PLCL1: variants seen among roughly 807,000 people sequenced by gnomAD.
PLCL1 encodes phospholipase C like 1 (inactive), also known as inactive phospholipase C-like protein 1.
In PLCL1, 41 loss-of-function variants were observed where a neutral mutation model predicts 84.4. The observed-to-expected ratio is 0.49, with a 90% CI of 0.38 to 0.63. PLCL1 has a LOEUF of 0.63. Ranked by LOEUF, PLCL1 falls within the 30% of genes least tolerant of loss-of-function variation. The pLI, the probability that PLCL1 is intolerant of heterozygous loss-of-function variation, is 0.00. For missense variants in PLCL1, 1,206 were observed against 1,367.8 expected (o/e 0.88, Z 1.87); for synonymous variants, 490 against 488.3 (o/e 1.00, Z -0.05).
chr2:198,019,140 G>A (rs997799822), intron 1 of PLCL1, among the ~76,000 whole-genome samples: 1 of 152,192 alleles, frequency 6.6e-6, no homozygotes, highest in Non-Finnish European at 1.5e-5. Flanking sequence ...CAGCAAAGGG[G>A]CCTGACTGTT....
intron 1 of PLCL1, among the ~76,000 whole-genome samples, chr2:197,903,440 T>C (rs1175590005): frequency 6.7e-6 from 1 of 150,316 alleles, no homozygotes; most frequent in East Asian, 2.0e-4. Flanking sequence ...GACAAAAATC[T>C]ATGTATCTTC....
In PLCL1 at chr2:197,946,965, C is replaced by G. The variant is rs138142974; in HGVS notation, c.241-136793C>G. On this transcript the variant is annotated intron_variant, in intron 1 of 5. Coordinates refer to ENST00000428675, the MANE Select transcript of PLCL1 (RefSeq NM_006226.4). The stretch of plus-strand genomic sequence containing the variant: ...CAGGGGCCCCCACTCTAGAGGAGAA[C>G]AAAATAAAGCAAATCCTTAGGGCTT... Among the ~76,000 whole-genome samples the G allele has an allele frequency of 2.2e-3, 333 of 152,026 alleles. 3 individuals carry two copies. The highest frequency in any genetic ancestry group is 7.5e-3 in the African/African-American group (311 of 41,462).
chr2:198,146,665 G>A (rs561951179), intron 5 of PLCL1, 115 bp from the exon 6 acceptor site: 3 of 783,576 alleles, frequency 3.8e-6, no homozygotes, highest in Non-Finnish European at 5.9e-6. Flanking sequence ...TGAGCTTGCA[G>A]GTCTGGGTCT....
chr2:197,908,246 G>A (rs989512049), intron 1 of PLCL1, among the ~76,000 whole-genome samples: 2 of 152,130 alleles, frequency 1.3e-5, no homozygotes, highest in Non-Finnish European at 2.9e-5. Flanking sequence ...ACAATTGTTA[G>A]GAAATATCAG....
chr2:197,924,335 G>T (rs966410224), intron 1 of PLCL1, among the ~76,000 whole-genome samples: 2 of 152,090 alleles, frequency 1.3e-5, no homozygotes, highest in Non-Finnish European at 2.9e-5. Flanking sequence ...ATTCTTAATT[G>T]AGAGCAGTCA....
At chr2:198,088,623 G>A (rs779981467) in intron 2 of PLCL1, among the ~76,000 whole-genome samples, 20 of 152,216 alleles carry the variant, frequency 1.3e-4, no homozygotes, top group Non-Finnish European at 2.8e-4. Context: ...GTACTTAGTT[G>A]TGTGACTATC....
At chr2:198,131,331 T>A (rs1307963438) in intron 5 of PLCL1, among the ~76,000 whole-genome samples, 1 of 152,190 alleles carries the variant, frequency 6.6e-6, no homozygotes, top group African/African-American at 2.4e-5. Flanking sequence ...TCAACAGAGT[T>A]AGGTATCCCT....
At chr2:197,952,089 A>G (rs1481805796) in intron 1 of PLCL1, among the ~76,000 whole-genome samples, 4 of 152,150 alleles carry the variant, frequency 2.6e-5, no homozygotes, top group Non-Finnish European at 4.4e-5. Flanking sequence ...AACCTGAATG[A>G]GAACAGCCTG....
chr2:197,956,712 A>G (rs1689503345), intron 1 of PLCL1, among the ~76,000 whole-genome samples: 1 of 152,142 alleles, frequency 6.6e-6, no homozygotes, highest in South Asian at 2.1e-4. Context: ...GGCCATATAA[A>G]TGTCTTCTTT....
rs540814971 is a variant in PLCL1 at position 197,984,720 on chromosome 2, C to A, written c.241-99038C>A. 3.3e-5 allele frequency among the ~76,000 whole-genome samples: 5 copies of A among 152,106 alleles called. No homozygotes were observed. The South Asian group carries it at 1.0e-3, about 32-fold the overall frequency. Reference sequence around the variant, plus strand: ...GTTTATAACAAGAGAGTGAGAAGGCCCAGTGAAACTGTGAGAAGAATGATT... The same window carrying A: ...GTTTATAACAAGAGAGTGAGAAGGCACAGTGAAACTGTGAGAAGAATGATT... On this transcript the variant is annotated intron_variant, in intron 1 of 5. Coordinates refer to ENST00000428675, the MANE Select transcript of PLCL1 (RefSeq NM_006226.4).
chr2:197,826,491 G>A (rs890856764), intron 1 of PLCL1, among the ~76,000 whole-genome samples: 1 of 152,088 alleles, frequency 6.6e-6, no homozygotes, highest in Non-Finnish European at 1.5e-5. Context: ...ATCTTTAAAT[G>A]TATGCTTAAT....
chr2:198,107,506 G>A (rs1251786585), intron 5 of PLCL1, among the ~76,000 whole-genome samples: 1 of 151,898 alleles, frequency 6.6e-6, no homozygotes, highest in Non-Finnish European at 1.5e-5. Context: ...AATTAAATGA[G>A]ATAATACATA....
intron 5 of PLCL1, among the ~76,000 whole-genome samples, chr2:198,137,734 C>T (rs190486866): frequency 2.0e-4 from 30 of 152,318 alleles, no homozygotes; most frequent in Non-Finnish European, 4.3e-4. Context: ...TCTCCTAGTC[C>T]TCACAGCAAT....
At chr2:197,862,915 C>T (rs1687458135) in intron 1 of PLCL1, among the ~76,000 whole-genome samples, 2 of 152,052 alleles carry the variant, frequency 1.3e-5, no homozygotes, top group African/African-American at 4.8e-5. Flanking sequence ...AGAGTAGATT[C>T]TAGATAACAA....
intron 1 of PLCL1, among the ~76,000 whole-genome samples, chr2:197,896,641 A>G (rs1243667920): frequency 6.6e-5 from 10 of 152,062 alleles, no homozygotes. Context: ...TTGCAGATCG[A>G]CGTGGTTTTG....
chr2:198,125,105 C>G (rs1693955118), intron 5 of PLCL1, among the ~76,000 whole-genome samples: 1 of 152,072 alleles, frequency 6.6e-6, no homozygotes, highest in Non-Finnish European at 1.5e-5. Context: ...TTGTGCCAGA[C>G]CTGCAAAGTC....
chr2:197,897,108 CTTCTTCTTCTTCTTCTTCTTCTTCTTCT>C (rs1688152445), intron 1 of PLCL1, among the ~76,000 whole-genome samples: 4 of 36,900 alleles, frequency 1.1e-4, no homozygotes, highest in African/African-American at 6.3e-4. Flanking sequence ...CCTTCTTCTT[CTTCTTCTTCTTCTTCTTCTTCTTCTTCT>C]TCTTCTTCTT....
chr2:198,060,927 A>T (rs1467808141), intron 1 of PLCL1, among the ~76,000 whole-genome samples: 1 of 152,198 alleles, frequency 6.6e-6, no homozygotes, highest in African/African-American at 2.4e-5. Context: ...TGATGTGTTA[A>T]ATATTGTGGT....
At chr2:197,917,834 AC>A (rs1486055502) in intron 1 of PLCL1, among the ~76,000 whole-genome samples, 1 of 152,194 alleles carries the variant, frequency 6.6e-6, no homozygotes, top group Non-Finnish European at 1.5e-5. Context: ...AAACAAATCC[AC>A]AAGAATGGGT....
Sources: gnomAD v4.1 joint callset for allele counts (sites outside exome capture counted in the v4.1 genomes callset) on GRCh38, gnomAD v4.1.1 for gene constraint, MANE v1.5 for transcripts, NCBI Gene and HGNC (gene_info 2026-07-23, HGNC 2026-07-21) for gene names.